The following SBF2 variants were observed in gnomAD, a reference collection of about 807,000 sequenced individuals.
SBF2 encodes myotubularin-related protein 13.
Under a neutral mutation model 225.2 loss-of-function variants are expected in SBF2, and 112 were observed. The observed-to-expected ratio is 0.50, with a 90% CI of 0.43 to 0.58. The LOEUF (loss-of-function observed/expected upper bound fraction) is 0.58. Among genes scored for constraint, SBF2 ranks in the 20% least tolerant of loss-of-function variants. SBF2 has a pLI of 0.00. For missense variants in SBF2, 1,996 were observed against 2,206.2 expected, an observed-to-expected ratio of 0.90 and a Z score of 1.91; for synonymous variants, 763 against 773.3, an observed-to-expected ratio of 0.99 and a Z score of 0.22.
chr11:10,006,060 T>A (rs973273801), intron 6 of SBF2, among the ~76,000 whole-genome samples: 2 of 152,226 alleles, frequency 1.3e-5, no homozygotes, highest in Non-Finnish European at 2.9e-5. Context: ...GGGTTTCCTC[T>A]GCTTTTTCAA....
At chr11:9,842,525 A>T (rs1234987185) in intron 25 of SBF2, 100 bp downstream of exon 25, 1 of 1,219,634 alleles carries the variant, frequency 8.2e-7, no homozygotes, top group Non-Finnish European at 1.2e-6. Context: ...CATGAGATCT[A>T]GGTTTTTGTG....
chr11:10,103,729 G>A (rs539957578), intron 2 of SBF2, among the ~76,000 whole-genome samples: 1 of 152,154 alleles, frequency 6.6e-6, no homozygotes, highest in Non-Finnish European at 1.5e-5. Context: ...CTCTCATGGA[G>A]AGCTGATATG....
At chr11:10,261,005 A>C (rs1961375223) in intron 1 of SBF2, among the ~76,000 whole-genome samples, 1 of 152,202 alleles carries the variant, frequency 6.6e-6, no homozygotes, top group Non-Finnish European at 1.5e-5. Context: ...CAATTATAAA[A>C]TAGGCAAATG....
At chr11:10,175,904 G>A (rs1345479434) in intron 2 of SBF2, among the ~76,000 whole-genome samples, 2 of 151,872 alleles carry the variant, frequency 1.3e-5, no homozygotes, top group Non-Finnish European at 2.9e-5. Context: ...ACCGGCTCCT[G>A]AATGACTACT....
chr11:9,829,264 TACAAATA>T, intron 28 of SBF2, 85 bp downstream of exon 28: 3 of 1,422,034 alleles, frequency 2.1e-6, no homozygotes, highest in African/African-American at 1.4e-5. Flanking sequence ...GAAGGAACAG[TACAAATA>T]ACAAATAACA....
At chr11:10,021,142 T>C (rs998872089) in intron 6 of SBF2, among the ~76,000 whole-genome samples, 8 of 152,182 alleles carry the variant, frequency 5.3e-5, no homozygotes, top group Non-Finnish European at 2.9e-5. Flanking sequence ...AAAATGCCTA[T>C]TAAAGAGTAT....
intron 2 of SBF2, among the ~76,000 whole-genome samples, chr11:10,083,877 C>T (rs12280877): frequency 0.029 from 4,457 of 152,090 alleles, 169 homozygotes; most frequent in African/African-American, 0.092. Context: ...AATGGATGGC[C>T]ATGGTGGCTG....
At chr11:10,038,587 T>A (rs1359874953) in intron 3 of SBF2, among the ~76,000 whole-genome samples, 1 of 151,952 alleles carries the variant, frequency 6.6e-6, no homozygotes, top group Non-Finnish European at 1.5e-5. Context: ...TATGATACTT[T>A]GGAATGGTTT....
At chr11:10,133,567 C>T (rs1305656329) in intron 2 of SBF2, among the ~76,000 whole-genome samples, 2 of 136,188 alleles carry the variant, frequency 1.5e-5, no homozygotes, top group Admixed American at 1.5e-4. Context: ...CCCCCATTGC[C>T]CAGGGCCAGC....
intron 1 of SBF2, among the ~76,000 whole-genome samples, chr11:10,234,884 C>T (rs1336231320): frequency 4.6e-5 from 7 of 152,094 alleles, no homozygotes; most frequent in African/African-American, 1.7e-4. Context: ...AAAAGGGATA[C>T]GGGTGGCCAG....
chr11:10,106,155 T>C (rs567240051), intron 2 of SBF2, among the ~76,000 whole-genome samples: 1 of 152,322 alleles, frequency 6.6e-6, no homozygotes, highest in East Asian at 1.9e-4. Flanking sequence ...TAGTACCCAA[T>C]AGGTAGTTTT....
At chr11:10,197,798 A>C (rs1459420045) in intron 1 of SBF2, among the ~76,000 whole-genome samples, 1 of 152,264 alleles carries the variant, frequency 6.6e-6, no homozygotes, top group African/African-American at 2.4e-5. Flanking sequence ...ATTTCAATGA[A>C]ATTCACAGCA....
intron 28 of SBF2, among the ~76,000 whole-genome samples, chr11:9,823,805 C>G (rs1025695184): frequency 1.3e-5 from 2 of 152,192 alleles, no homozygotes; most frequent in African/African-American, 4.8e-5. Flanking sequence ...CTCTAGAGAT[C>G]ACAGAGAATG....
intron 29 of SBF2, 118 bp downstream of exon 29, chr11:9,816,722 C>A: frequency 2.3e-6 from 2 of 852,492 alleles, no homozygotes. Flanking sequence ...AGATTATTAA[C>A]TCCAGGTTAA....
intron 19 of SBF2, 55 bp from the exon 20 acceptor site, chr11:9,853,767 A>G (rs1857127223): frequency 6.7e-7 from 1 of 1,486,146 alleles, no homozygotes; most frequent in South Asian, 1.1e-5. Context: ...ACAAATGACT[A>G]CTATATAGTA....
At chr11:10,124,966 G>A (rs113713080) in intron 2 of SBF2, among the ~76,000 whole-genome samples, 15,544 of 151,892 alleles carry the variant, frequency 0.1, 949 homozygotes, top group Non-Finnish European at 0.12. Flanking sequence ...TTAGCCGGGC[G>A]TGGTGGCAGG....
At chr11:9,807,582 C>T (rs1314266672) in intron 32 of SBF2, among the ~76,000 whole-genome samples, 3 of 152,152 alleles carry the variant, frequency 2.0e-5, no homozygotes, top group Admixed American at 6.5e-5. Context: ...CTGGCTGGGC[C>T]CTGATTATTT....
intron 17 of SBF2, among the ~76,000 whole-genome samples, chr11:9,878,332 A>G (rs1859458129): frequency 6.6e-6 from 1 of 152,078 alleles, no homozygotes; most frequent in Non-Finnish European, 1.5e-5. Flanking sequence ...ATTTCCTCCC[A>G]TTCCGTAGGT....
At chr11:10,027,474 GA>G (rs1437953699) in intron 6 of SBF2, among the ~76,000 whole-genome samples, 1 of 152,170 alleles carries the variant, frequency 6.6e-6, no homozygotes, top group Non-Finnish European at 1.5e-5. Flanking sequence ...CAAGAGACAG[GA>G]GGGAAGCAAG....
Sources: gnomAD v4.1 joint callset for allele counts (sites outside exome capture counted in the v4.1 genomes callset) on GRCh38, gnomAD v4.1.1 for gene constraint, MANE v1.5 for transcripts, NCBI Gene and HGNC (gene_info 2026-07-23, HGNC 2026-07-21) for gene names.